ERC1: variants seen among roughly 807,000 people sequenced by gnomAD.
ERC1 encodes ELKS/RAB6-interacting/CAST family member 1, also known as RAB6 interacting protein 2.
A neutral mutation model predicts 132.0 loss-of-function variants in ERC1; 56 were observed. The observed-to-expected ratio is 0.42, with a 90% confidence interval of 0.34 to 0.53. The LOEUF (loss-of-function observed/expected upper bound fraction) is 0.53, where lower values mean the gene tolerates loss of function less well. Among genes scored for constraint, ERC1 ranks in the 20% least tolerant of loss-of-function variants. The pLI, the probability that ERC1 is intolerant of heterozygous loss-of-function variation, is 0.03. For synonymous variants in ERC1, 478 were observed against 476.1 expected (o/e 1.00, Z -0.05); for missense variants, 1,202 against 1,349.9 (o/e 0.89, Z 1.72).
intron 18 of ERC1, among the ~76,000 whole-genome samples, chr12:1,445,209 T>A (rs889126711): frequency 2.0e-5 from 3 of 151,282 alleles, no homozygotes; most frequent in African/African-American, 7.3e-5. Context: ...ATAGTCAGCA[T>A]GTTGTACAGT....
chr12:1,003,068 T>C (rs1962730807), intron 1 of ERC1, among the ~76,000 whole-genome samples: 1 of 101,732 alleles, frequency 9.8e-6, no homozygotes, highest in Non-Finnish European at 1.8e-5. Context: ...CTGGGCAACA[T>C]AGTGAAACCC....
At chr12:1,258,044 G>A (rs1433760754) in intron 13 of ERC1, among the ~76,000 whole-genome samples, 2 of 152,110 alleles carry the variant, frequency 1.3e-5, no homozygotes, top group African/African-American at 4.8e-5. Flanking sequence ...GCATTGGACA[G>A]TACAAATAGT....
At chr12:1,179,937 G>A (rs1368870482) in intron 8 of ERC1, among the ~76,000 whole-genome samples, 7 of 152,210 alleles carry the variant, frequency 4.6e-5, no homozygotes. Flanking sequence ...GATAAAAGAT[G>A]ATATAAGTAA....
intron 1 of ERC1, among the ~76,000 whole-genome samples, chr12:1,016,596 C>T (rs941892008): frequency 6.7e-6 from 1 of 149,958 alleles, no homozygotes; most frequent in African/African-American, 2.5e-5. Flanking sequence ...TTTTCTCTCA[C>T]AGTATGTATA....
At chr12:1,488,828 T>A (rs1332730440) in intron 18 of ERC1, among the ~76,000 whole-genome samples, 1 of 152,230 alleles carries the variant, frequency 6.6e-6, no homozygotes, top group Non-Finnish European at 1.5e-5. Flanking sequence ...CCTCCTCCTT[T>A]TAGTCCTGCC....
chr12:1,183,377 CAGA>C lies in ERC1; in HGVS notation c.2119_2121del (p.Lys707del). 1 of 1,592,866 alleles carries C rather than the reference CAGA, an allele frequency of 6.3e-7. No individual in the cohort carries two copies. The highest frequency in any genetic ancestry group is 8.6e-7 in the Non-Finnish European group (1 of 1,165,572). On this transcript the variant is annotated inframe_deletion, in exon 11 of 19. Coordinates refer to ENST00000360905, the MANE Select transcript of ERC1 (RefSeq NM_178040.4). The stretch of plus-strand genomic sequence containing the variant: ...TAAGACACTAGAGATTGCTTTGGAG[CAGA>C]AGAAGGAGGAGTGTCTGAAAATGGA...
At chr12:1,417,780 CAAAAA>C (rs59219151) in intron 17 of ERC1, among the ~76,000 whole-genome samples, 1 of 83,698 alleles carries the variant, frequency 1.2e-5, no homozygotes. Flanking sequence ...GACTCCATCT[CAAAAA>C]AAAAAAAAAA....
At chr12:1,378,214 C>G (rs1759647841) in intron 16 of ERC1, among the ~76,000 whole-genome samples, 1 of 152,188 alleles carries the variant, frequency 6.6e-6, no homozygotes, top group African/African-American at 2.4e-5. Flanking sequence ...AGAAAAGGCT[C>G]AAATTTGATT....
chr12:1,401,762 AAAAAG>A (rs1219052732), intron 16 of ERC1, among the ~76,000 whole-genome samples: 80 of 151,792 alleles, frequency 5.3e-4, no homozygotes, highest in African/African-American at 1.9e-3. Context: ...AAAAAAAAAA[AAAAAG>A]AGTATTTTTA....
rs1954340452 is a variant in ERC1, at chr12:1,180,643, C to T, written c.1841C>T (p.Ala614Val). ...LQADTTNTDT[A>V]LTTLEEALAE... is the part of the protein sequence containing the mutation. ...GCTGACACCACCAACACTGACACTGCCTTGACAACTTTGGAGGAGGCCCTT... is the reference window on the plus strand; with the variant it reads ...GCTGACACCACCAACACTGACACTGTCTTGACAACTTTGGAGGAGGCCCTT... Residue 614 changes from alanine to valine, a missense_variant, in exon 9 of 19, where the codon GCC (alanine) becomes GTC (valine). Ala to Val is a moderately conservative substitution (Grantham distance 64). Transcript: ENST00000360905. The T allele has an allele frequency of 1.9e-6, 3 of 1,614,006 alleles. No individual in the cohort carries two copies. The highest frequency in any genetic ancestry group is 2.2e-5 in the South Asian group (2 of 91,076).
intron 16 of ERC1, among the ~76,000 whole-genome samples, chr12:1,403,833 C>G (rs2091271784): frequency 6.6e-6 from 1 of 152,314 alleles, no homozygotes; most frequent in East Asian, 1.9e-4. Context: ...AAGAAAATAA[C>G]TAGCCAAGTC....
intron 12 of ERC1, among the ~76,000 whole-genome samples, chr12:1,216,166 A>G (rs1434390802): frequency 6.6e-6 from 1 of 151,954 alleles, no homozygotes; most frequent in Non-Finnish European, 1.5e-5. Context: ...GAAATCAGAA[A>G]CTCGTAACTT....
At chr12:1,423,507 T>C (rs2092505011) in intron 17 of ERC1, among the ~76,000 whole-genome samples, 1 of 152,252 alleles carries the variant, frequency 6.6e-6, no homozygotes, top group South Asian at 2.1e-4. Flanking sequence ...ATGATCCATC[T>C]TAGTGAACAT....
chr12:1,140,898 A>C (rs905921906), intron 7 of ERC1, among the ~76,000 whole-genome samples: 2 of 152,212 alleles, frequency 1.3e-5, no homozygotes, highest in African/African-American at 4.8e-5. Context: ...TGAAAAAAGA[A>C]TGTAAAAAAG....
At chr12:1,057,017 A>G (rs1459333920) in intron 2 of ERC1, among the ~76,000 whole-genome samples, 1 of 152,208 alleles carries the variant, frequency 6.6e-6, no homozygotes, top group African/African-American at 2.4e-5. Flanking sequence ...ATGATATTGA[A>G]TGGTCTACAT....
At chr12:1,047,445 C>T (rs962551475) in intron 2 of ERC1, among the ~76,000 whole-genome samples, 5 of 151,934 alleles carry the variant, frequency 3.3e-5, no homozygotes, top group African/African-American at 1.2e-4. Flanking sequence ...ATTACATTAC[C>T]AGTAGTTGGA....
At chr12:1,376,896 G>A (rs2087991765) in intron 16 of ERC1, among the ~76,000 whole-genome samples, 1 of 152,276 alleles carries the variant, frequency 6.6e-6, no homozygotes, top group East Asian at 1.9e-4. Flanking sequence ...CACTGTTCCA[G>A]GCTGAGCATC....
chr12:1,121,833 C>A (rs1190817052), intron 7 of ERC1, among the ~76,000 whole-genome samples: 5 of 13,408 alleles, frequency 3.7e-4, no homozygotes, highest in African/African-American at 7.4e-4. Flanking sequence ...GTGTCTCTAT[C>A]TCTATCTATC....
chr12:1,111,049 C>G lies in ERC1; in HGVS notation c.1317+702C>G, dbSNP rs574125123. On this transcript the variant is annotated intron_variant, in intron 5 of 18. Coordinates refer to ENST00000360905, the MANE Select transcript of ERC1 (RefSeq NM_178040.4). ...ATGGGTGAAATGAAGTTACGTTTCC[C>G]CTCCAAATACAGTTCTGTAACGGAA... 5.3e-5 allele frequency among the ~76,000 whole-genome samples: 8 copies of G among 152,126 alleles called. No homozygotes were observed. In the East Asian group the frequency reaches 1.4e-3, roughly 26 times the overall value.
Sources: gnomAD v4.1 joint callset for allele counts (sites outside exome capture counted in the v4.1 genomes callset) on GRCh38, gnomAD v4.1.1 for gene constraint, MANE v1.5 for transcripts, NCBI Gene and HGNC (gene_info 2026-07-23, HGNC 2026-07-21) for gene names.